Variants in NPAS3 observed in about 807,000 individuals in gnomAD.
The protein encoded by NPAS3 is neuronal PAS domain-containing protein 3.
NPAS3 carries 14 observed loss-of-function variants against 73.1 expected under a neutral mutation model. That is an observed-to-expected ratio of 0.19 (90% CI 0.13 to 0.30). NPAS3 has a LOEUF of 0.30. NPAS3 is among the 10% of genes least tolerant of loss of function. The pLI, the probability that NPAS3 is intolerant of heterozygous loss-of-function variation, is 1.00. For synonymous variants in NPAS3, 620 were observed against 541.5 expected (o/e 1.14, Z -2.01); for missense variants, 1,096 against 1,250.0 (o/e 0.88, Z 1.86).
intron 3 of NPAS3, among the ~76,000 whole-genome samples, chr14:33,259,951 G>A (rs376430350): frequency 2.0e-5 from 3 of 151,974 alleles, no homozygotes; most frequent in African/African-American, 7.3e-5. Flanking sequence ...CCAAAGAGGA[G>A]GAAACGAAAT....
chr14:33,176,841 G>A (rs1054750932), intron 2 of NPAS3, among the ~76,000 whole-genome samples: 3 of 152,068 alleles, frequency 2.0e-5, no homozygotes, highest in African/African-American at 7.2e-5. Context: ...TACCAGCAAT[G>A]TATGGGGGTT....
chr14:32,952,429 A>G (rs553613980), intron 1 of NPAS3, among the ~76,000 whole-genome samples: 1 of 152,088 alleles, frequency 6.6e-6, no homozygotes, highest in African/African-American at 2.4e-5. Context: ...CTTTATTTGA[A>G]TTTTTAAAAT....
At chr14:33,696,056 T>C (rs2060369008) in intron 6 of NPAS3, among the ~76,000 whole-genome samples, 1 of 152,216 alleles carries the variant, frequency 6.6e-6, no homozygotes, top group Non-Finnish European at 1.5e-5. Context: ...TACCTTGATG[T>C]CATGATTAGA....
intron 5 of NPAS3, among the ~76,000 whole-genome samples, chr14:33,600,068 A>G (rs2057354517): frequency 1.3e-5 from 2 of 152,186 alleles, no homozygotes; most frequent in South Asian, 4.1e-4. Context: ...AAAAACTGTA[A>G]TAACTCCTTC....
At chr14:33,565,856 C>G (rs1194881405) in intron 5 of NPAS3, among the ~76,000 whole-genome samples, 1 of 151,964 alleles carries the variant, frequency 6.6e-6, no homozygotes, top group East Asian at 1.9e-4. Flanking sequence ...TTATGGCCCC[C>G]CTTTTCAAAA....
intron 4 of NPAS3, among the ~76,000 whole-genome samples, chr14:33,503,346 T>C (rs1316230694): frequency 6.6e-6 from 1 of 151,936 alleles, no homozygotes; most frequent in African/African-American, 2.4e-5. Context: ...GGCAAAATAC[T>C]TATAATGACT....
intron 4 of NPAS3, among the ~76,000 whole-genome samples, chr14:33,518,409 G>A (rs2053404027): frequency 6.6e-6 from 1 of 151,998 alleles, no homozygotes; most frequent in Non-Finnish European, 1.5e-5. Context: ...TTGTGTAAGT[G>A]TGCATCAAGA....
intron 4 of NPAS3, among the ~76,000 whole-genome samples, chr14:33,484,779 G>A (rs1372647215): frequency 6.6e-6 from 1 of 152,138 alleles, no homozygotes; most frequent in Non-Finnish European, 1.5e-5. Context: ...CGGCCAGCCT[G>A]GCACATGCAT....
At chr14:33,616,359 G>A (rs1478487500) in intron 5 of NPAS3, among the ~76,000 whole-genome samples, 1 of 152,176 alleles carries the variant, frequency 6.6e-6, no homozygotes, top group African/African-American at 2.4e-5. Flanking sequence ...ATTGGTGAAT[G>A]AATTTGTGTT....
intron 9 of NPAS3, among the ~76,000 whole-genome samples, chr14:33,792,968 C>A (rs1288173185): frequency 1.3e-5 from 2 of 152,236 alleles, no homozygotes; most frequent in Non-Finnish European, 2.9e-5. Flanking sequence ...CCTTTTAAAC[C>A]ATTCCCATCC....
intron 6 of NPAS3, among the ~76,000 whole-genome samples, chr14:33,696,113 C>T (rs2060371630): frequency 6.6e-6 from 1 of 152,116 alleles, no homozygotes; most frequent in Admixed American, 6.6e-5. Context: ...TCATCTTCCT[C>T]CAATTAGTAC....
chr14:33,169,093 G>A (rs2045285881), intron 2 of NPAS3, among the ~76,000 whole-genome samples: 1 of 152,172 alleles, frequency 6.6e-6, no homozygotes, highest in African/African-American at 2.4e-5. Context: ...ATCCATAATG[G>A]AAATATTGAT....
At chr14:33,066,410 T>C (rs2041281217) in intron 2 of NPAS3, among the ~76,000 whole-genome samples, 1 of 152,210 alleles carries the variant, frequency 6.6e-6, no homozygotes, top group African/African-American at 2.4e-5. Flanking sequence ...GTAGTAACAA[T>C]TTATATGATG....
chr14:33,154,970 C>T (rs2044595402), intron 2 of NPAS3, among the ~76,000 whole-genome samples: 1 of 152,128 alleles, frequency 6.6e-6, no homozygotes, highest in African/African-American at 2.4e-5. Context: ...TTTATGGACA[C>T]TGCAATTTGA....
At chr14:33,377,027 A>G (rs1012557217) in intron 4 of NPAS3, among the ~76,000 whole-genome samples, 3 of 152,244 alleles carry the variant, frequency 2.0e-5, no homozygotes, top group Non-Finnish European at 2.9e-5. Context: ...TAAGAACATT[A>G]TCAATAAAAT....
chr14:33,065,977 A>G (rs934330826), intron 2 of NPAS3, among the ~76,000 whole-genome samples: 2 of 152,092 alleles, frequency 1.3e-5, no homozygotes, highest in African/African-American at 4.8e-5. Context: ...TTGAATGAGC[A>G]TGGCTTGGTT....
At chr14:33,198,470 T>C (rs1355135352) in intron 2 of NPAS3, among the ~76,000 whole-genome samples, 1 of 152,178 alleles carries the variant, frequency 6.6e-6, no homozygotes, top group Non-Finnish European at 1.5e-5. Flanking sequence ...TAGCTAGACA[T>C]AAAAGTTCTC....
chr14:32,961,046 A>G lies in NPAS3; in HGVS notation c.50+21680A>G, dbSNP rs576561281. Among the ~76,000 whole-genome samples, 22 of 152,358 alleles carry G rather than the reference A, an allele frequency of 1.4e-4. No homozygotes were observed. The South Asian group carries it at 4.3e-3, about 30-fold the overall frequency. ...AAAATATTTTGTGACTATTTCTATT[A>G]CAGAAACAAATGTTTAAAACTCAAA... On this transcript the variant is annotated intron_variant, in intron 1 of 11. Transcript: ENST00000356141.
At chr14:33,575,048 T>A (rs747048655) in intron 5 of NPAS3, among the ~76,000 whole-genome samples, 2 of 152,192 alleles carry the variant, frequency 1.3e-5, no homozygotes, top group Non-Finnish European at 1.5e-5. Flanking sequence ...CAGTCTCAGG[T>A]CAAGGCAAGA....
Sources: gnomAD v4.1 joint callset for allele counts (sites outside exome capture counted in the v4.1 genomes callset) on GRCh38, gnomAD v4.1.1 for gene constraint, MANE v1.5 for transcripts, NCBI Gene and HGNC (gene_info 2026-07-23, HGNC 2026-07-21) for gene names.